Variants in FERMT1 observed in about 807,000 individuals in gnomAD.
The protein encoded by FERMT1 is FERM domain containing kindlin 1, also known as fermitin family homolog 1.
A neutral mutation model predicts 85.3 loss-of-function variants in FERMT1; 60 were observed. That is an observed-to-expected ratio of 0.70 (90% CI 0.57 to 0.87). The LOEUF is 0.87. Ranked by LOEUF, FERMT1 falls within the 40% of genes least tolerant of loss-of-function variation. FERMT1 has a pLI of 0.00. For synonymous variants in FERMT1, 275 were observed against 301.1 expected (o/e 0.91, Z 0.90); for missense variants, 701 against 818.9 (o/e 0.86, Z 1.76).
At chr20:6,114,182 A>G (rs1983036653) in intron 3 of FERMT1, among the ~76,000 whole-genome samples, 1 of 152,242 alleles carries the variant, frequency 6.6e-6, no homozygotes, top group Non-Finnish European at 1.5e-5. Context: ...ACGTGTGACC[A>G]TTCCAAATGC....
intron 1 of FERMT1, among the ~76,000 whole-genome samples, chr20:6,121,591 C>T (rs1212771196): frequency 6.6e-6 from 1 of 152,228 alleles, no homozygotes; most frequent in Admixed American, 6.5e-5. Flanking sequence ...TACCTACTGA[C>T]TGTATGATGT....
Position 6,079,529 on chromosome 20 carries a change from C to A in FERMT1, c.1767G>T (p.Arg589Ser), listed in dbSNP as rs775833542. ...CGGTGGCTGCATCAATTTTAATCAA[C>A]CTGTTATATGAAACTCCCAGAATGT... Reference protein sequence around the residue: ...KDDILGVSYNRLIKIDAATGI... With the variant: ...KDDILGVSYNSLIKIDAATGI... Residue 589 changes from arginine to serine, a missense_variant, in exon 14 of 15, where the codon AGG becomes AGT. Transcript: ENST00000217289. 158 of 1,613,782 alleles carry A rather than the reference C, an allele frequency of 9.8e-5. No homozygotes were observed. Among genetic ancestry groups the A allele is most frequent in the Non-Finnish European group, 1.3e-4 (154 of 1,179,832 alleles).
intron 2 of FERMT1, among the ~76,000 whole-genome samples, chr20:6,116,376 A>G (rs907982999): frequency 6.6e-6 from 1 of 152,152 alleles, no homozygotes; most frequent in African/African-American, 2.4e-5. Flanking sequence ...AATAAAAAAC[A>G]TTTAAAAAAT....
chr20:6,087,580 G>A (rs917707523), intron 11 of FERMT1, 197 bp downstream of exon 11: 2 of 587,254 alleles, frequency 3.4e-6, no homozygotes, highest in African/African-American at 3.7e-5. Flanking sequence ...CAAAGTGCTG[G>A]GATTACAGGT....
intron 2 of FERMT1, 40 bp downstream of exon 2, chr20:6,119,364 G>T: frequency 3.1e-6 from 5 of 1,605,494 alleles, no homozygotes; most frequent in Non-Finnish European, 4.3e-6. Context: ...ACCAGACAGG[G>T]TTTCTAATAC....
intron 8 of FERMT1, 120 bp downstream of exon 8, chr20:6,096,780 ATC>A (rs1982509971): frequency 1.1e-6 from 1 of 938,812 alleles, no homozygotes; most frequent in Non-Finnish European, 1.6e-6. Context: ...GGTGAAGAGC[ATC>A]TTTTTTTTTT....
chr20:6,104,845 C>T lies in FERMT1; in HGVS notation c.849+2687G>A, dbSNP rs1380318128. On this transcript the variant is annotated intron_variant, in intron 6 of 14. Transcript: ENST00000217289. This position sits in a 1 kb window ranked among gnomAD's most constrained non-coding sequence, Gnocchi z 4.2. ...ATTTATACCAATGATCTGCCATTAT[C>T]TGGCTTATTTGACTGTGAAGTCACT... Among the ~76,000 whole-genome samples, 4 of 152,220 alleles carry T rather than the reference C, an allele frequency of 2.6e-5. No individual in the cohort carries two copies. Among genetic ancestry groups the T allele is most frequent in the Admixed American group, 6.5e-5 (1 of 15,286 alleles).
chr20:6,108,401 T>C (rs1227246212), intron 5 of FERMT1, among the ~76,000 whole-genome samples: 4 of 152,116 alleles, frequency 2.6e-5, no homozygotes, highest in African/African-American at 9.7e-5. Flanking sequence ...GCTTTATAGA[T>C]TTTTTTCTCA....
At chr20:6,084,233 A>G in intron 12 of FERMT1, 69 bp from the exon 13 acceptor site, 1 of 1,537,690 alleles carries the variant, frequency 6.5e-7, no homozygotes, top group Non-Finnish European at 8.8e-7. Context: ...TGTTAGCTCC[A>G]GATCCCCCAT....
intron 2 of FERMT1, among the ~76,000 whole-genome samples, chr20:6,116,318 T>A (rs965444568): frequency 6.6e-5 from 10 of 151,950 alleles, no homozygotes; most frequent in Non-Finnish European, 1.5e-4. Flanking sequence ...TGTATACGTA[T>A]ATAACACACC....
chr20:6,117,356 C>G (rs888662343), intron 2 of FERMT1, among the ~76,000 whole-genome samples: 1 of 151,682 alleles, frequency 6.6e-6, no homozygotes, highest in Non-Finnish European at 1.5e-5. Flanking sequence ...GCAACTTCTG[C>G]CTCCTGGGTT....
At chr20:6,102,629 A>T (rs1037932613) in intron 6 of FERMT1, among the ~76,000 whole-genome samples, 14 of 142,992 alleles carry the variant, frequency 9.8e-5, no homozygotes, top group African/African-American at 2.6e-5. Flanking sequence ...TTGAGCCAAG[A>T]TCGTGCCACT....
chr20:6,095,263 T>C (rs1982469889), intron 8 of FERMT1, among the ~76,000 whole-genome samples: 1 of 152,202 alleles, frequency 6.6e-6, no homozygotes, highest in Non-Finnish European at 1.5e-5. Flanking sequence ...TTGATTTCAG[T>C]GGTGACTTGG....
chr20:6,110,957 G>C (rs1027157777), intron 4 of FERMT1, among the ~76,000 whole-genome samples: 2 of 152,054 alleles, frequency 1.3e-5, no homozygotes, highest in African/African-American at 4.8e-5. Context: ...TTGTTTTTTA[G>C]ACGGAGTCTC....
intron 9 of FERMT1, among the ~76,000 whole-genome samples, chr20:6,090,110 C>T (rs564444313): frequency 6.6e-6 from 1 of 152,132 alleles, no homozygotes; most frequent in East Asian, 1.9e-4. Context: ...GAGTCTCGCT[C>T]TGTTGCCAGG....
intron 4 of FERMT1, among the ~76,000 whole-genome samples, chr20:6,110,738 C>T (rs1223561367): frequency 1.3e-5 from 2 of 151,982 alleles, no homozygotes; most frequent in East Asian, 3.9e-4. Flanking sequence ...CCAGCCAGGG[C>T]AACATAGCAA....
intron 6 of FERMT1, among the ~76,000 whole-genome samples, chr20:6,097,889 A>G (rs1056537563): frequency 6.6e-6 from 1 of 151,390 alleles, no homozygotes; most frequent in African/African-American, 2.4e-5. Context: ...ATCTTGGCTC[A>G]CTGCAACGTC....
intron 9 of FERMT1, among the ~76,000 whole-genome samples, chr20:6,094,588 C>A (rs1215338735): frequency 6.6e-6 from 1 of 152,190 alleles, no homozygotes; most frequent in Non-Finnish European, 1.5e-5. Flanking sequence ...CCCAGCCATT[C>A]ACTGAGGGTT....
intron 14 of FERMT1, 31 bp from the exon 15 acceptor site, chr20:6,077,377 C>G (rs1467748027): frequency 6.2e-7 from 1 of 1,612,168 alleles, no homozygotes. Context: ...GAAGCTTAAA[C>G]TCTGACAAGG....
Sources: gnomAD v4.1 joint callset for allele counts (sites outside exome capture counted in the v4.1 genomes callset) on GRCh38, gnomAD v4.1.1 for gene constraint, Gnocchi (gnomAD v3.1) non-coding constraint, MANE v1.5 for transcripts, NCBI Gene and HGNC (gene_info 2026-07-23, HGNC 2026-07-21) for gene names.